PLXNA4: variants seen among roughly 807,000 people sequenced by gnomAD.
PLXNA4 encodes plexin A4.
In PLXNA4, 44 loss-of-function variants were observed where a neutral mutation model predicts 191.8. That is an observed-to-expected ratio of 0.23 (90% CI 0.18 to 0.29). The LOEUF (loss-of-function observed/expected upper bound fraction) is 0.29. Ranked by LOEUF, PLXNA4 falls within the 10% of genes least tolerant of loss-of-function variation. The pLI, the probability that PLXNA4 is intolerant of heterozygous loss-of-function variation, is 1.00. For synonymous variants in PLXNA4, 1,082 were observed against 1,009.5 expected, an observed-to-expected ratio of 1.07 and a Z score of -1.36; for missense variants, 1,800 against 2,488.8, an observed-to-expected ratio of 0.72 and a Z score of 5.89.
Position 132,279,867 on chromosome 7 carries a change from G to A in PLXNA4, c.1503+18224C>T, listed in dbSNP as rs571849149. Reference sequence around the variant, plus strand: ...ATTAGCATGACTTGAGATGGGAGCCGGACGCCCAAAGCTGAAGTCAACATA... The same window carrying A: ...ATTAGCATGACTTGAGATGGGAGCCAGACGCCCAAAGCTGAAGTCAACATA... On this transcript the variant is annotated intron_variant, in intron 4 of 31. Transcript: ENST00000321063. Among the ~76,000 whole-genome samples, 17 of 152,218 alleles carry A rather than the reference G, an allele frequency of 1.1e-4. No homozygotes were observed. The East Asian group carries it at 1.7e-3, about 16-fold the overall frequency.
intron 3 of PLXNA4, among the ~76,000 whole-genome samples, chr7:132,446,993 C>G (rs1198481704): frequency 1.3e-5 from 2 of 152,156 alleles, no homozygotes; most frequent in African/African-American, 4.8e-5. Flanking sequence ...GGCATCTTTG[C>G]CCAGTGATCT....
At chr7:132,605,507 C>CT (rs1308481332) in intron 2 of PLXNA4, among the ~76,000 whole-genome samples, 1 of 152,022 alleles carries the variant, frequency 6.6e-6, no homozygotes, top group East Asian at 1.9e-4. Context: ...CATGATGGTG[C>CT]TTGGGGGGCC....
At chr7:132,490,423 C>CTTTT (rs35467841) in intron 2 of PLXNA4, among the ~76,000 whole-genome samples, 34 of 110,488 alleles carry the variant, frequency 3.1e-4, no homozygotes, top group Non-Finnish European at 4.0e-4. Flanking sequence ...CCTTTTCTTC[C>CTTTT]TTTTTTTTTT....
intron 22 of PLXNA4, among the ~76,000 whole-genome samples, chr7:132,167,798 C>T (rs1427790830): frequency 1.3e-5 from 2 of 152,360 alleles, no homozygotes; most frequent in South Asian, 2.1e-4. Flanking sequence ...ATCCTCCTGC[C>T]TTGGTCTCCC....
chr7:132,491,501 G>A (rs1265789959), intron 2 of PLXNA4, among the ~76,000 whole-genome samples: 1 of 152,208 alleles, frequency 6.6e-6, no homozygotes, highest in Non-Finnish European at 1.5e-5. Flanking sequence ...CGAAAACGGG[G>A]AGAGCGTGGG....
intron 1 of PLXNA4, among the ~76,000 whole-genome samples, chr7:132,531,136 C>A (rs1049743381): frequency 1.3e-5 from 2 of 152,164 alleles, no homozygotes; most frequent in African/African-American, 4.8e-5. Context: ...CAAAGTTCTG[C>A]AGATGGATGA....
chr7:132,302,371 C>T (rs1801340845), intron 3 of PLXNA4, among the ~76,000 whole-genome samples: 1 of 152,070 alleles, frequency 6.6e-6, no homozygotes, highest in Non-Finnish European at 1.5e-5. Context: ...CATGAGTCTC[C>T]CAAGGAAGAG....
At chr7:132,315,134 C>T (rs895924665) in intron 3 of PLXNA4, among the ~76,000 whole-genome samples, 1 of 152,134 alleles carries the variant, frequency 6.6e-6, no homozygotes, top group Non-Finnish European at 1.5e-5. Context: ...GATGTGTGAG[C>T]AAGGGAGACA....
intron 4 of PLXNA4, among the ~76,000 whole-genome samples, chr7:132,246,357 A>C (rs1367593062): frequency 6.6e-6 from 1 of 152,232 alleles, no homozygotes; most frequent in East Asian, 1.9e-4. Flanking sequence ...GTATCATTAC[A>C]TAACTGGCTC....
chr7:132,583,703 T>A (rs532863358), intron 2 of PLXNA4, among the ~76,000 whole-genome samples: 88 of 152,238 alleles, frequency 5.8e-4, no homozygotes, highest in Non-Finnish European at 6.5e-4. Context: ...CTCTGTGGCC[T>A]GGCTCCATTC....
chr7:132,429,553 T>C (rs115462301), intron 3 of PLXNA4, among the ~76,000 whole-genome samples: 2,333 of 152,330 alleles, frequency 0.015, 62 homozygotes, highest in African/African-American at 0.054. Flanking sequence ...GTAACTTGAA[T>C]TTCATATTAT....
chr7:132,631,146 T>C (rs1803483312), intron 2 of PLXNA4, among the ~76,000 whole-genome samples: 1 of 152,236 alleles, frequency 6.6e-6, no homozygotes, highest in African/African-American at 2.4e-5. Flanking sequence ...TTTGCCCCTG[T>C]TCCATAATGG....
chr7:132,164,333 G>A (rs1267709178), intron 23 of PLXNA4, 45 bp from the exon 24 acceptor site: 2 of 1,605,336 alleles, frequency 1.2e-6, no homozygotes, highest in Non-Finnish European at 1.7e-6. Flanking sequence ...TTGGAACACT[G>A]GAGTGTACCC....
chr7:132,307,910 T>C (rs1380698771), intron 3 of PLXNA4, among the ~76,000 whole-genome samples: 3 of 152,162 alleles, frequency 2.0e-5, no homozygotes, highest in African/African-American at 7.2e-5. Context: ...TGTGCCGTGT[T>C]ACCAAACACT....
At chr7:132,163,468 C>T (rs939827555) in intron 24 of PLXNA4, among the ~76,000 whole-genome samples, 13 of 152,358 alleles carry the variant, frequency 8.5e-5, no homozygotes, top group Admixed American at 8.5e-4. Flanking sequence ...GATTAGGAAC[C>T]TGCCCCAATT....
intron 12 of PLXNA4, among the ~76,000 whole-genome samples, chr7:132,199,573 G>A (rs1168377035): frequency 1.3e-5 from 2 of 152,128 alleles, no homozygotes; most frequent in Non-Finnish European, 2.9e-5. Flanking sequence ...TTCCATTCCT[G>A]GTGCCTATGA....
At chr7:132,144,147 T>C (rs1256880533) in intron 29 of PLXNA4, among the ~76,000 whole-genome samples, 1 of 152,132 alleles carries the variant, frequency 6.6e-6, no homozygotes, top group Non-Finnish European at 1.5e-5. Context: ...CTCAGAAGAA[T>C]GATCTGGGGA....
intron 25 of PLXNA4, among the ~76,000 whole-genome samples, chr7:132,149,565 C>CATAT (rs1795534313): frequency 1.3e-5 from 2 of 152,292 alleles, no homozygotes; most frequent in South Asian, 4.2e-4. Flanking sequence ...TTCTCATGGA[C>CATAT]ATATACCAGA....
Position 132,181,408 on chromosome 7 carries a change from G to A in PLXNA4, c.3465C>T (p.Leu1155=). 8.7e-6 allele frequency: 14 copies of A among 1,613,686 alleles called. No homozygotes were observed. Among genetic ancestry groups the A allele is most frequent in the Non-Finnish European group, 1.1e-5 (13 of 1,179,814 alleles). ...TTAGGATGATGGGCGTGCCAGGCTTGAGCTCCAGGATTCCTGAGGGACCAA... is the reference window on the plus strand; with the variant it reads ...TTAGGATGATGGGCGTGCCAGGCTTAAGCTCCAGGATTCCTGAGGGACCAA... The part of the protein sequence containing the change: ...EAFGPSGILE[L]KPGTPIILKG... The change falls in exon 18 of 32, where the codon CTC becomes CTT. Residue 1155 remains leucine, a synonymous_variant. Coordinates refer to ENST00000321063, the MANE Select transcript of PLXNA4 (RefSeq NM_020911.2).
Sources: allele counts gnomAD v4.1 joint callset (sites outside exome capture counted in the v4.1 genomes callset), GRCh38; gene constraint gnomAD v4.1.1; transcripts MANE v1.5; gene names NCBI Gene and HGNC (gene_info 2026-07-23, HGNC 2026-07-21).